The following TFAM variants were observed in gnomAD, a reference collection of about 807,000 sequenced individuals.
TFAM encodes mitochondrial transcription factor 1.
TFAM carries 13 observed loss-of-function variants against 30.6 expected under a neutral mutation model. That is an observed-to-expected ratio of 0.42 (90% CI 0.28 to 0.67). The LOEUF (loss-of-function observed/expected upper bound fraction) is 0.67. Ranked by LOEUF, TFAM falls within the 30% of genes least tolerant of loss-of-function variation. The pLI, the probability that TFAM is intolerant of heterozygous loss-of-function variation, is 0.21. For missense variants in TFAM, 231 were observed against 293.7 expected, an observed-to-expected ratio of 0.79 and a Z score of 1.56; for synonymous variants, 106 against 94.8, an observed-to-expected ratio of 1.12 and a Z score of -0.69.
In TFAM at chr10:58,395,213, G is replaced by A; in HGVS notation, c.*139G>A. 2.2e-6 allele frequency: 2 copies of A among 889,768 alleles called. No individual in the cohort carries two copies. The highest frequency in any genetic ancestry group is 3.0e-5 in the South Asian group (2 of 66,304). The allele number at this position is 889,768 out of a possible 1,614,324, so 55.1% of individuals were successfully genotyped here. On this transcript the variant is annotated 3_prime_UTR_variant, in exon 7 of 7. Transcript: ENST00000487519. ...TTAGTATCTTTTTATTCAGCTCATG[G>A]ACTTCTGCCAGCATAATACTTGCTT...
chr10:58,397,759 G>GTGTC lies in TFAM; in HGVS notation c.*2688_*2689insCTGT, dbSNP rs1437382159. On this transcript the variant is annotated 3_prime_UTR_variant, in exon 7 of 7. Transcript: ENST00000487519. Reference sequence around the variant, plus strand: ...CATATAAAGTCTTATTTGTGTGTGTGTGTGTGTGTGTGTGCACGTGTGTGT... The same window carrying GTGTC: ...CATATAAAGTCTTATTTGTGTGTGTGTGTCTGTGTGTGTGTGTGCACGTGTGTGT... 1 of 151,882 alleles carries GTGTC rather than the reference G, an allele frequency of 6.6e-6. No individual in the cohort carries two copies. Among genetic ancestry groups the GTGTC allele is most frequent in the African/African-American group, 2.4e-5 (1 of 41,264 alleles). 9.4% of individuals were successfully genotyped at this position (151,882 alleles called of 1,614,324 possible).
rs1257956026 is a variant in TFAM at position 58,385,640 on chromosome 10, C to A, written c.93C>A (p.Ser31=). ...LCTGCGSRLR[S]PFSFVYLPRW... ...CCGGCTGTGGAAGTCGACTGCGCTC[C>A]CCCTTCAGGTAGGCCCGCTTGCCTG... Residue 31 remains serine, a synonymous_variant, in exon 1 of 7, where the codon TCC becomes TCA. Transcript: ENST00000487519. The A allele has an allele frequency of 1.9e-6, 3 of 1,556,336 alleles. No individual in the cohort carries two copies. The highest frequency in any genetic ancestry group is 2.4e-5 in the South Asian group (2 of 84,336).
At chr10:58,387,452 C>T (rs148710791) in intron 2 of TFAM, among the ~76,000 whole-genome samples, 112 of 152,224 alleles carry the variant, frequency 7.4e-4, no homozygotes, top group Middle Eastern at 3.4e-3. Context: ...GATTGAATTT[C>T]GAATAGCTTG....
intron 5 of TFAM, 95 bp from the exon 6 acceptor site, chr10:58,394,263 G>A (rs191159394): frequency 7.1e-5 from 63 of 891,720 alleles, no homozygotes; most frequent in Non-Finnish European, 7.0e-5. Flanking sequence ...GGCTTTGCCT[G>A]TAATTCTTGG....
chr10:58,392,559 T>C (rs2132358208), intron 5 of TFAM, among the ~76,000 whole-genome samples: 1 of 152,304 alleles, frequency 6.6e-6, no homozygotes, highest in South Asian at 2.1e-4. Context: ...TAACTTAATC[T>C]CTCTGCTTTT....
rs969885754 is a variant in TFAM at position 58,397,807 on chromosome 10, C to T, written c.*2733C>T. 1 of 152,094 alleles carries T rather than the reference C, an allele frequency of 6.6e-6. No individual in the cohort carries two copies. Among genetic ancestry groups the T allele is most frequent in the Admixed American group, 6.6e-5 (1 of 15,258 alleles). The allele number at this position is 152,094 out of a possible 1,614,324, so 9.4% of individuals were successfully genotyped here. ...TGTGTTAGAGTCTCATTATATTGCT[C>T]AGGCTGGAGGGCATGGTGTGATCTT... On this transcript the variant is annotated 3_prime_UTR_variant, in exon 7 of 7. Coordinates refer to ENST00000487519, the MANE Select transcript of TFAM (RefSeq NM_003201.3).
intron 1 of TFAM, 106 bp downstream of exon 1, chr10:58,385,754 C>A (rs1035837370): frequency 3.3e-6 from 3 of 901,586 alleles, no homozygotes; most frequent in African/African-American, 1.6e-5. Context: ...AGTTCAGAGT[C>A]ACCCTGGTTC....
rs192171799 is a variant in TFAM at position 58,385,839 on chromosome 10, C to T, written c.101+191C>T. ...GCCTTTATTTACTCTCTTAATACGC[C>T]GTACCTTCTTGCTACCCTCCACTCG... On this transcript the variant is annotated intron_variant, in intron 1 of 6. Transcript: ENST00000487519. 3.3e-5 allele frequency among the ~76,000 whole-genome samples: 5 copies of T among 152,276 alleles called. No individual in the cohort carries two copies. The East Asian group carries it at 7.7e-4, about 24-fold the overall frequency.
chr10:58,388,273 GT>G lies in TFAM; in HGVS notation c.291+17del. On this transcript the variant is annotated intron_variant, in intron 3 of 6. Coordinates refer to ENST00000487519, the MANE Select transcript of TFAM (RefSeq NM_003201.3). Reference sequence around the variant, plus strand: ...TTCAAAGAAAAAAGTAAGCACATAAGTTTTCAACATTGCTGACCAGTTATTC... The same window carrying G: ...TTCAAAGAAAAAAGTAAGCACATAAGTTTCAACATTGCTGACCAGTTATTC... 1 of 1,610,094 alleles carries G rather than the reference GT, an allele frequency of 6.2e-7. No homozygotes were observed. Among genetic ancestry groups the G allele is most frequent in the Non-Finnish European group, 8.5e-7 (1 of 1,176,370 alleles).
chr10:58,394,255 C>CT, intron 5 of TFAM, 103 bp from the exon 6 acceptor site: 1 of 846,646 alleles, frequency 1.2e-6, no homozygotes. Flanking sequence ...ATTGATGAGG[C>CT]TTTGCCTGTA....
At position 58,395,800 on chromosome 10, in the gene TFAM, A is replaced by G. The variant is rs1358330421; in HGVS notation, c.*726A>G. Reference sequence around the variant, plus strand: ...TGTTCTATAGCTTTTCCCTTTTTTTAAGTAAGGAATTTTATTTTTTTCTGA... The same window carrying G: ...TGTTCTATAGCTTTTCCCTTTTTTTGAGTAAGGAATTTTATTTTTTTCTGA... On this transcript the variant is annotated 3_prime_UTR_variant, in exon 7 of 7. Coordinates refer to ENST00000487519, the MANE Select transcript of TFAM (RefSeq NM_003201.3). The G allele has an allele frequency of 3.5e-6, 1 of 288,912 alleles. No homozygotes were observed. The highest frequency in any genetic ancestry group is 2.2e-5 in the African/African-American group (1 of 46,490). The allele number at this position is 288,912 out of a possible 1,614,324, so 17.9% of individuals were successfully genotyped here.
intron 2 of TFAM, 117 bp downstream of exon 2, chr10:58,386,455 T>G: frequency 1.2e-6 from 1 of 850,988 alleles, no homozygotes; most frequent in South Asian, 1.4e-5. Flanking sequence ...AACAATCATT[T>G]GATGTCTGTA....
In TFAM at chr10:58,394,406, G is replaced by C. The variant is rs1039019014; in HGVS notation, c.586G>C (p.Glu196Gln). The stretch of plus-strand genomic sequence containing the variant: ...AAACTGGAAAAATCTGTCTGACTCT[G>C]AAAAGGAAGTGAGTATTACGGTTGT... ...KENWKNLSDS[E>Q]KELYIQHAKE... The change falls in exon 6 of 7, where the codon GAA (glutamate) becomes CAA (glutamine). Residue 196 changes from glutamate to glutamine, a missense_variant. Physicochemically the swap from Glu to Gln is conservative, Grantham distance 29. Transcript: ENST00000487519. 2 of 1,613,496 alleles carry C rather than the reference G, an allele frequency of 1.2e-6. No individual in the cohort carries two copies. Among genetic ancestry groups the C allele is most frequent in the Admixed American group, 3.3e-5 (2 of 60,030 alleles).
chr10:58,397,686 A>G lies in TFAM; in HGVS notation c.*2612A>G, dbSNP rs879659924. On this transcript the variant is annotated 3_prime_UTR_variant, in exon 7 of 7. Coordinates refer to ENST00000487519, the MANE Select transcript of TFAM (RefSeq NM_003201.3). ...ATGCCATTCAGCTGTAACAGTATACACAGATTTTCTCTTATAAAGAATAAG... is the reference window on the plus strand; with the variant it reads ...ATGCCATTCAGCTGTAACAGTATACGCAGATTTTCTCTTATAAAGAATAAG... 1 of 152,138 alleles carries G rather than the reference A, an allele frequency of 6.6e-6. No homozygotes were observed. Among genetic ancestry groups the G allele is most frequent in the Non-Finnish European group, 1.5e-5 (1 of 68,040 alleles). The allele number at this position is 152,138 out of a possible 1,614,324, so 9.4% of individuals were successfully genotyped here.
rs1203407556 is a variant in TFAM, at chr10:58,396,204, T to C, written c.*1130T>C. On this transcript the variant is annotated 3_prime_UTR_variant, in exon 7 of 7. Coordinates refer to ENST00000487519, the MANE Select transcript of TFAM (RefSeq NM_003201.3). ...GGCAGAGTAGCTGCCACAGAAACTA[T>C]AGCCCACAAAGCCTGATATTTACTG... 1 of 152,196 alleles carries C rather than the reference T, an allele frequency of 6.6e-6. No individual in the cohort carries two copies. The highest frequency in any genetic ancestry group is 1.5e-5 in the Non-Finnish European group (1 of 68,032). 9.4% of individuals were successfully genotyped at this position (152,196 alleles called of 1,614,324 possible).
At chr10:58,390,508 T>C (rs1840571305) in intron 4 of TFAM, among the ~76,000 whole-genome samples, 1 of 152,206 alleles carries the variant, frequency 6.6e-6, no homozygotes, top group Non-Finnish European at 1.5e-5. Flanking sequence ...GTTATTTAGT[T>C]CATGGAGACT....
rs1235495958 is a variant in TFAM, at chr10:58,398,559, A to G, written c.*3485A>G. 1.3e-5 allele frequency: 2 copies of G among 152,086 alleles called. No homozygotes were observed. The highest frequency in any genetic ancestry group is 1.9e-4 in the East Asian group (1 of 5,184). The allele number at this position is 152,086 out of a possible 1,614,324, so 9.4% of individuals were successfully genotyped here. A position where few individuals can be genotyped will look rare whatever the true frequency, so the allele number is the denominator to read the frequency against. On this transcript the variant is annotated 3_prime_UTR_variant, in exon 7 of 7. Coordinates refer to ENST00000487519, the MANE Select transcript of TFAM (RefSeq NM_003201.3). The stretch of plus-strand genomic sequence containing the variant: ...AAATGTCTTTTTTTTTGTACAAGGC[A>G]TGTGTTAGTTTTTACTAATTGCTCT...
Position 58,386,304 on chromosome 10 carries a change from A to G in TFAM, c.186A>G (p.Lys62=), listed in dbSNP as rs201757063. 15 of 1,613,918 alleles carry G rather than the reference A, an allele frequency of 9.3e-6. No individual in the cohort carries two copies. The Admixed American group carries it at 2.5e-4, about 27-fold the overall frequency. ...TAAGTTCTTACCTTCGATTTTCTAA[A>G]GAACAACTACCCATATTTAAAGCTC... is the stretch of plus-strand genomic sequence containing the variant. ...KPVSSYLRFS[K]EQLPIFKAQN... Residue 62 remains lysine (K), a synonymous_variant, in exon 2 of 7, where the codon AAA becomes AAG. Coordinates refer to ENST00000487519, the MANE Select transcript of TFAM (RefSeq NM_003201.3).
intron 1 of TFAM, 44 bp downstream of exon 1, chr10:58,385,692 C>A (rs759393701): frequency 1.1e-5 from 16 of 1,437,130 alleles, no homozygotes; most frequent in Admixed American, 3.9e-5. Flanking sequence ...GGGCCCAGGA[C>A]GTCCCGGGGT....
Sources: gnomAD v4.1 joint callset for allele counts (sites outside exome capture counted in the v4.1 genomes callset) on GRCh38, gnomAD v4.1.1 for gene constraint, MANE v1.5 for transcripts, NCBI Gene and HGNC (gene_info 2026-07-23, HGNC 2026-07-21) for gene names.